CA10: variants seen among roughly 807,000 people sequenced by gnomAD.
The protein encoded by CA10 is carbonic anhydrase 10 (inactive).
A neutral mutation model predicts 44.2 loss-of-function variants in CA10; 14 were observed. The observed-to-expected ratio is 0.32, with a 90% confidence interval of 0.21 to 0.50. The LOEUF (loss-of-function observed/expected upper bound fraction) is 0.50. Among genes scored for constraint, CA10 ranks in the 20% least tolerant of loss-of-function variants. CA10 has a pLI of 0.99. For missense variants in CA10, 350 were observed against 409.7 expected (o/e 0.85, Z 1.26); for synonymous variants, 159 against 141.6 (o/e 1.12, Z -0.87).
At chr17:52,117,005 G>A (rs1988911876) in intron 1 of CA10, among the ~76,000 whole-genome samples, 1 of 152,164 alleles carries the variant, frequency 6.6e-6, no homozygotes, top group African/African-American at 2.4e-5. Flanking sequence ...TGCTTGGCAT[G>A]GCTAAAGTGA....
At chr17:51,730,977 C>T (rs546424312) in intron 4 of CA10, among the ~76,000 whole-genome samples, 228 of 151,992 alleles carry the variant, frequency 1.5e-3, no homozygotes, top group Middle Eastern at 3.4e-3. Flanking sequence ...TTGTTATAGA[C>T]CAATCTCCTT....
intron 1 of CA10, among the ~76,000 whole-genome samples, chr17:52,077,238 G>A (rs1171362156): frequency 3.9e-5 from 6 of 152,156 alleles, no homozygotes; most frequent in Non-Finnish European, 5.9e-5. Flanking sequence ...AGAAGTCATC[G>A]TTGGGGATGA....
chr17:51,639,520 C>T (rs1680713083), intron 6 of CA10, among the ~76,000 whole-genome samples: 1 of 152,122 alleles, frequency 6.6e-6, no homozygotes, highest in African/African-American at 2.4e-5. Context: ...GTTTCCAAAA[C>T]ACCGTAGTGC....
chr17:51,840,825 A>G (rs1309729788), intron 3 of CA10, among the ~76,000 whole-genome samples: 1 of 152,232 alleles, frequency 6.6e-6, no homozygotes, highest in Non-Finnish European at 1.5e-5. Flanking sequence ...GGCTGTGGCT[A>G]CAGATATCTT....
chr17:52,002,148 C>T (rs1028810258), intron 2 of CA10, among the ~76,000 whole-genome samples: 2 of 151,468 alleles, frequency 1.3e-5, no homozygotes, highest in African/African-American at 4.9e-5. Flanking sequence ...CACATGTATA[C>T]ATATGTAACA....
At chr17:51,966,469 T>C (rs933126348) in intron 2 of CA10, among the ~76,000 whole-genome samples, 3 of 151,944 alleles carry the variant, frequency 2.0e-5, no homozygotes, top group Non-Finnish European at 1.5e-5. Flanking sequence ...ACTACAAGCC[T>C]ACAGTAACCA....
At chr17:51,634,978 G>A (rs1341117229) in intron 7 of CA10, among the ~76,000 whole-genome samples, 2 of 152,146 alleles carry the variant, frequency 1.3e-5, no homozygotes, top group Non-Finnish European at 2.9e-5. Flanking sequence ...AAGCCTTTTG[G>A]ATGCTGGCTC....
chr17:52,054,408 T>C (rs948742615), intron 2 of CA10, among the ~76,000 whole-genome samples: 2 of 152,116 alleles, frequency 1.3e-5, no homozygotes, highest in African/African-American at 4.8e-5. Flanking sequence ...TGATAAGATG[T>C]TATCAATGAC....
intron 2 of CA10, among the ~76,000 whole-genome samples, chr17:52,045,391 AAGTT>A (rs929891541): frequency 2.0e-5 from 3 of 152,072 alleles, no homozygotes; most frequent in Non-Finnish European, 4.4e-5. Context: ...ATAAACATAA[AAGTT>A]AAATATTTGG....
chr17:52,037,306 A>G (rs879436789), intron 2 of CA10, among the ~76,000 whole-genome samples: 6 of 152,116 alleles, frequency 3.9e-5, no homozygotes, highest in Admixed American at 1.3e-4. Context: ...AAAGAAGTAG[A>G]AAAGAAGAAT....
intron 3 of CA10, among the ~76,000 whole-genome samples, chr17:51,896,896 T>C (rs758046528): frequency 3.9e-5 from 6 of 152,124 alleles, no homozygotes; most frequent in Non-Finnish European, 8.8e-5. Flanking sequence ...TTGAAAAGTG[T>C]CTGTCCATGT....
At chr17:51,970,686 T>C (rs1157526049) in intron 2 of CA10, among the ~76,000 whole-genome samples, 2 of 152,144 alleles carry the variant, frequency 1.3e-5, no homozygotes, top group Non-Finnish European at 2.9e-5. Context: ...TCCAAGTTAC[T>C]AAAGCTATTC....
intron 4 of CA10, among the ~76,000 whole-genome samples, chr17:51,702,603 C>T (rs1459935268): frequency 1.3e-5 from 2 of 152,260 alleles, no homozygotes; most frequent in African/African-American, 4.8e-5. Flanking sequence ...CCGCCTTTCT[C>T]TGCCTGGGGA....
At chr17:52,109,523 C>G (rs928833649) in intron 1 of CA10, among the ~76,000 whole-genome samples, 3 of 152,160 alleles carry the variant, frequency 2.0e-5, no homozygotes, top group Admixed American at 6.5e-5. Context: ...TAATCTTTCC[C>G]CAGATCATTT....
intron 3 of CA10, among the ~76,000 whole-genome samples, chr17:51,765,946 G>A (rs1000110676): frequency 2.0e-5 from 3 of 152,174 alleles, no homozygotes; most frequent in African/African-American, 4.8e-5. Flanking sequence ...GCAGTGCCAA[G>A]TGTGAAATCC....
chr17:51,980,002 T>G (rs1253419724), intron 2 of CA10, among the ~76,000 whole-genome samples: 2 of 152,156 alleles, frequency 1.3e-5, no homozygotes, highest in Non-Finnish European at 2.9e-5. Context: ...CACATGCATG[T>G]GTCTTTATGT....
At chr17:51,904,232 G>GGA (rs1373493046) in intron 3 of CA10, among the ~76,000 whole-genome samples, 2 of 151,862 alleles carry the variant, frequency 1.3e-5, no homozygotes, top group African/African-American at 4.8e-5. Context: ...ATTCTTAGAA[G>GGA]GTCATGTTGA....
rs148021949 is a variant in CA10, at chr17:51,849,926, A to G, written c.279+81064T>C. ...TGAATAATTCAAGTCCATTTCCACA[A>G]GACAGTCACAGAAGGATTGGCTTCT... is the stretch of plus-strand genomic sequence containing the variant. On this transcript the variant is annotated intron_variant, in intron 3 of 8. Coordinates refer to ENST00000451037, the MANE Select transcript of CA10 (RefSeq NM_020178.5). Among the ~76,000 whole-genome samples, 342 of 152,310 alleles carry G rather than the reference A, an allele frequency of 2.2e-3. 2 individuals carry two copies. The highest frequency in any genetic ancestry group is 7.8e-3 in the African/African-American group (325 of 41,580).
chr17:51,752,025 G>T (rs551773471), intron 3 of CA10, among the ~76,000 whole-genome samples: 1 of 152,210 alleles, frequency 6.6e-6, no homozygotes, highest in Non-Finnish European at 1.5e-5. Flanking sequence ...GGGGCACAAA[G>T]TTATGGGCAA....
Sources: gnomAD v4.1 joint callset for allele counts (sites outside exome capture counted in the v4.1 genomes callset) on GRCh38, gnomAD v4.1.1 for gene constraint, MANE v1.5 for transcripts, NCBI Gene and HGNC (gene_info 2026-07-23, HGNC 2026-07-21) for gene names.